The following RGL3 variants were observed in gnomAD, a reference collection of about 807,000 sequenced individuals.
RGL3 encodes ral guanine nucleotide dissociation stimulator like 3, also known as ral guanine nucleotide dissociation stimulator-like 3.
A neutral mutation model predicts 90.6 loss-of-function variants in RGL3; 85 were observed. That is an observed-to-expected ratio of 0.94 (90% CI 0.79 to 1.12). RGL3 has a LOEUF of 1.12. RGL3 is among the 50% of genes most tolerant of loss of function. The probability of loss-of-function intolerance (pLI) is 0.00; values close to 1 mark genes in which losing one functional copy is unlikely to be tolerated. For synonymous variants in RGL3, 408 were observed against 385.5 expected, an observed-to-expected ratio of 1.06 and a Z score of -0.68; for missense variants, 1,034 against 939.2, an observed-to-expected ratio of 1.10 and a Z score of -1.32.
intron 5 of RGL3, among the ~76,000 whole-genome samples, chr19:11,410,139 A>C (rs1411781719): frequency 6.7e-6 from 1 of 149,200 alleles, no homozygotes; most frequent in Non-Finnish European, 1.5e-5. Context: ...TTTATTATTT[A>C]TTTATTTTTT....
At position 11,406,432 on chromosome 19, in the gene RGL3, A is replaced by ATCCACTTCTCCAGCCGCTGCGCC. The variant is rs766587280; in HGVS notation, c.960_982dup (p.Ile328ArgfsTer46). On this transcript the variant is annotated frameshift_variant, in exon 7 of 19. Transcript: ENST00000380456. LOFTEE classifies it high-confidence loss of function. ...CCCGCAACACACCTGGGCGATGCGG[A>ATCCACTTCTCCAGCCGCTGCGCC]TCCACTTCTCCAGCCGCTGCGCCCT... The ATCCACTTCTCCAGCCGCTGCGCC allele has an allele frequency of 1.9e-4, 291 of 1,539,008 alleles. No homozygotes were observed. Among genetic ancestry groups the ATCCACTTCTCCAGCCGCTGCGCC allele is most frequent in the Non-Finnish European group, 2.3e-4 (263 of 1,147,018 alleles).
intron 7 of RGL3, 148 bp from the exon 8 acceptor site, chr19:11,405,574 G>A: frequency 1.5e-6 from 1 of 651,598 alleles, no homozygotes. Context: ...CTGGAGTGCA[G>A]TGGCTCGATC....
In RGL3 at chr19:11,406,526, G is replaced by C. The variant is rs1315389853; in HGVS notation, c.889C>G (p.Gln297Glu). 2.6e-6 allele frequency: 4 copies of C among 1,550,684 alleles called. No individual in the cohort carries two copies. The highest frequency in any genetic ancestry group is 3.5e-6 in the Non-Finnish European group (4 of 1,148,812). Residue 297 changes from glutamine (Q) to glutamate (E), a missense_variant, in exon 7 of 19, where the codon CAG becomes GAG. Physicochemically the swap from Gln to Glu is conservative, Grantham distance 29. Coordinates refer to ENST00000380456, the MANE Select transcript of RGL3 (RefSeq NM_001035223.4). ...ACACAGCCGGTCACGGTGTTGAACT[G>C]GGCCACGGTGGCGCGCACAGTGGGG... ...ASPTVRATVA[Q>E]FNTVTGCVLG...
At chr19:11,405,479 C>T (rs533237455) in intron 7 of RGL3, 53 bp from the exon 8 acceptor site, 2 of 410,428 alleles carry the variant, frequency 4.9e-6, no homozygotes, top group Admixed American at 4.3e-5. Context: ...ACCTTTCATC[C>T]TGAAACTTCT....
Position 11,416,950 on chromosome 19 carries a change from C to T in RGL3, c.257G>A (p.Arg86His), listed in dbSNP as rs772144645. 18 of 1,614,062 alleles carry T rather than the reference C, an allele frequency of 1.1e-5. No homozygotes were observed. The highest frequency in any genetic ancestry group is 4.0e-5 in the African/African-American group (3 of 74,990). The change falls in exon 3 of 19, where the codon CGT (arginine) becomes CAT (histidine). Residue 86 changes from arginine to histidine, a missense_variant. Physicochemically the swap from Arg to His is conservative, Grantham distance 29. Coordinates refer to ENST00000380456, the MANE Select transcript of RGL3 (RefSeq NM_001035223.4). Reference protein sequence around the residue: ...RLVGELVFGDREQDPSFMPAF... With the variant: ...RLVGELVFGDHEQDPSFMPAF... ...GGGCATGAAGCTGGGGTCCTGCTCACGGTCTCCAAACACCAACTCTCCCAC... is the reference window on the plus strand; with the variant it reads ...GGGCATGAAGCTGGGGTCCTGCTCATGGTCTCCAAACACCAACTCTCCCAC...
chr19:11,395,015 C>T (rs1012114352), intron 18 of RGL3, among the ~76,000 whole-genome samples: 15 of 151,760 alleles, frequency 9.9e-5, no homozygotes, highest in African/African-American at 3.6e-4. Flanking sequence ...ATCTCTTGAA[C>T]CCAGGAGGTG....
chr19:11,418,362 C>T, intron 2 of RGL3: 1 of 382,574 alleles, frequency 2.6e-6, no homozygotes, highest in Non-Finnish European at 4.7e-6. Flanking sequence ...AACCCCATTC[C>T]ACCTTCCAGC....
At chr19:11,414,538 T>A (rs560849602) in intron 5 of RGL3, among the ~76,000 whole-genome samples, 11 of 130,100 alleles carry the variant, frequency 8.5e-5, no homozygotes, top group African/African-American at 3.2e-4. Context: ...TACCTTTATA[T>A]ATATATAAAT....
At chr19:11,414,147 A>G in intron 5 of RGL3, among the ~76,000 whole-genome samples, 1 of 81,792 alleles carries the variant, frequency 1.2e-5, no homozygotes, top group South Asian at 5.0e-4. Context: ...ATATATATAT[A>G]TATATATATA....
Position 11,406,879 on chromosome 19 carries a change from G to A in RGL3, c.638-15C>T. On this transcript the variant is annotated splice_polypyrimidine_tract_variant and intron_variant, in intron 5 of 18. Coordinates refer to ENST00000380456, the MANE Select transcript of RGL3 (RefSeq NM_001035223.4). ...TCTGGGAGGTCCTGATCATTAGAAA[G>A]GGTTACAAACTCTCAAGTTTGAATC... 1 of 1,609,954 alleles carries A rather than the reference G, an allele frequency of 6.2e-7. No homozygotes were observed. Among genetic ancestry groups the A allele is most frequent in the Non-Finnish European group, 8.5e-7 (1 of 1,178,194 alleles).
chr19:11,402,929 G>A (rs1968706205), intron 9 of RGL3, among the ~76,000 whole-genome samples: 2 of 152,020 alleles, frequency 1.3e-5, no homozygotes, highest in African/African-American at 2.4e-5. Context: ...CCAATATGGT[G>A]AAACCCTGTC....
chr19:11,415,782 A>G (rs1293711123), intron 5 of RGL3, among the ~76,000 whole-genome samples, 155 bp downstream of exon 5: 2 of 152,060 alleles, frequency 1.3e-5, no homozygotes, highest in African/African-American at 4.8e-5. Flanking sequence ...CTGACAAAGA[A>G]TTATTATCCC....
chr19:11,419,193 T>A (rs1315993524), intron 1 of RGL3, 53 bp downstream of exon 1: 1 of 1,574,530 alleles, frequency 6.4e-7, no homozygotes, highest in Non-Finnish European at 8.6e-7. Flanking sequence ...TTGGAGTTTC[T>A]GGACCTGCGG....
At chr19:11,413,868 C>G (rs571054361) in intron 5 of RGL3, among the ~76,000 whole-genome samples, 1 of 148,448 alleles carries the variant, frequency 6.7e-6, no homozygotes, top group African/African-American at 2.5e-5. Flanking sequence ...CTCAGCCTCC[C>G]GAGTAGCTGG....
At chr19:11,415,861 G>T in intron 5 of RGL3, 76 bp downstream of exon 5, 1 of 1,274,650 alleles carries the variant, frequency 7.8e-7, no homozygotes, top group South Asian at 1.5e-5. Flanking sequence ...CTCTGAGAGG[G>T]GAGAGAAAGC....
Position 11,402,000 on chromosome 19 carries a change from A to C in RGL3, c.1484+11T>G, listed in dbSNP as rs1247149514. On this transcript the variant is annotated intron_variant, in intron 13 of 18. Coordinates refer to ENST00000380456, the MANE Select transcript of RGL3 (RefSeq NM_001035223.4). ...CTGGGGTGGGGCTGGGACAGGCTAC[A>C]GGGTGGTCACCTCTGCTCCTCGGTG... 6.5e-7 allele frequency: 1 copy of C among 1,531,184 alleles called. No homozygotes were observed. 94.8% of individuals were successfully genotyped at this position (1,531,184 alleles called of 1,614,324 possible). A position where few individuals can be genotyped will look rare whatever the true frequency, so the allele number is the denominator to read the frequency against.
intron 5 of RGL3, among the ~76,000 whole-genome samples, chr19:11,410,967 G>C (rs1251918683): frequency 6.6e-6 from 1 of 151,994 alleles, no homozygotes; most frequent in African/African-American, 2.4e-5. Flanking sequence ...CCGACACTTC[G>C]GGAGGCCGAT....
chr19:11,406,990 A>T (rs573233078), intron 5 of RGL3, 126 bp from the exon 6 acceptor site: 9,018 of 765,234 alleles, frequency 0.012, 49 homozygotes, highest in South Asian at 0.016. Flanking sequence ...GCTCTCTTAA[A>T]TTTTTTTTTT....
chr19:11,414,505 A>ATATATATATACC (rs1424097825), intron 5 of RGL3, among the ~76,000 whole-genome samples: 3 of 98,170 alleles, frequency 3.1e-5, no homozygotes, highest in African/African-American at 1.3e-4. Flanking sequence ...ATATATATAT[A>ATATATATATACC]TATATATATA....
Sources: gnomAD v4.1 joint callset for allele counts (sites outside exome capture counted in the v4.1 genomes callset) on GRCh38, gnomAD v4.1.1 for gene constraint, MANE v1.5 for transcripts, NCBI Gene and HGNC (gene_info 2026-07-23, HGNC 2026-07-21) for gene names.